Variants in SH3RF3 observed in about 807,000 individuals in gnomAD.
The protein encoded by SH3RF3 is E3 ubiquitin-protein ligase SH3RF3.
In SH3RF3, 29 loss-of-function variants were observed where a neutral mutation model predicts 66.3. The observed-to-expected ratio is 0.44, with a 90% confidence interval of 0.33 to 0.60. The LOEUF is 0.60. Ranked by LOEUF, SH3RF3 falls within the 20% of genes least tolerant of loss-of-function variation. The pLI is 0.04. For missense variants in SH3RF3, 1,194 were observed against 1,190.9 expected (o/e 1.00, Z -0.04); for synonymous variants, 583 against 532.0 (o/e 1.10, Z -1.32).
At chr2:109,283,723 A>T (rs1388216856) in intron 1 of SH3RF3, among the ~76,000 whole-genome samples, 2 of 152,168 alleles carry the variant, frequency 1.3e-5, no homozygotes, top group African/African-American at 4.8e-5. Context: ...GGGGATGCTA[A>T]ATCGCTGGCC....
intron 2 of SH3RF3, among the ~76,000 whole-genome samples, chr2:109,355,717 G>GC (rs1047767772): frequency 1.3e-5 from 2 of 152,164 alleles, no homozygotes; most frequent in African/African-American, 4.8e-5. Context: ...CCCTGGGGAC[G>GC]CCCTCCTCTG....
At chr2:109,305,519 C>G (rs146701054) in intron 1 of SH3RF3, among the ~76,000 whole-genome samples, 255 of 152,280 alleles carry the variant, frequency 1.7e-3, no homozygotes, top group African/African-American at 5.6e-3. Context: ...ACTTCCCACT[C>G]TGGGCGCAGA....
chr2:109,407,035 C>T (rs765181359), intron 4 of SH3RF3, among the ~76,000 whole-genome samples: 5 of 152,204 alleles, frequency 3.3e-5, no homozygotes, highest in Non-Finnish European at 7.3e-5. Context: ...GTGGCTCTGA[C>T]GGCTATGCTT....
chr2:109,455,984 G>A (rs1354987095), intron 8 of SH3RF3, among the ~76,000 whole-genome samples: 1 of 152,228 alleles, frequency 6.6e-6, no homozygotes, highest in Middle Eastern at 3.2e-3. Context: ...CATCATGCAG[G>A]TCTTAGGGGA....
At chr2:109,438,977 ACGGTGAGTCAGCAT>A (rs1677489465) in intron 7 of SH3RF3, among the ~76,000 whole-genome samples, 3 of 152,168 alleles carry the variant, frequency 2.0e-5, no homozygotes, top group Non-Finnish European at 2.9e-5. Flanking sequence ...CCCACTCATC[ACGGTGAGTCAGCAT>A]CCCAGTGCAG....
chr2:109,279,920 T>TG, intron 1 of SH3RF3, among the ~76,000 whole-genome samples: 1 of 149,662 alleles, frequency 6.7e-6, no homozygotes, highest in South Asian at 2.2e-4. Flanking sequence ...GGGAGGTAAT[T>TG]GGGGGGCGGT....
At chr2:109,443,314 A>T (rs1162222695) in intron 7 of SH3RF3, among the ~76,000 whole-genome samples, 1 of 152,244 alleles carries the variant, frequency 6.6e-6, no homozygotes, top group East Asian at 1.9e-4. Context: ...CCTCAGAGCC[A>T]AAACTTTCTG....
At chr2:109,313,941 A>G (rs916832690) in intron 1 of SH3RF3, among the ~76,000 whole-genome samples, 2 of 152,114 alleles carry the variant, frequency 1.3e-5, no homozygotes, top group East Asian at 3.9e-4. Context: ...CCGTGTTTGG[A>G]CTTTGTTTTG....
intron 6 of SH3RF3, among the ~76,000 whole-genome samples, chr2:109,433,697 A>C (rs980031743): frequency 6.6e-6 from 1 of 152,206 alleles, no homozygotes; most frequent in Non-Finnish European, 1.5e-5. Context: ...TCTAGTTCGC[A>C]AGGCAATCTT....
At chr2:109,160,499 G>A (rs1677463890) in intron 1 of SH3RF3, among the ~76,000 whole-genome samples, 1 of 152,338 alleles carries the variant, frequency 6.6e-6, no homozygotes. Context: ...CCTCTGGCAG[G>A]GAGAACGTGT....
intron 2 of SH3RF3, among the ~76,000 whole-genome samples, chr2:109,367,119 A>ATTTT (rs150005222): frequency 0.1 from 11,444 of 113,080 alleles, 645 homozygotes; most frequent in Middle Eastern, 0.15. Flanking sequence ...TGCCCTGGTA[A>ATTTT]TTTTTTTTTT....
intron 8 of SH3RF3, among the ~76,000 whole-genome samples, chr2:109,450,988 G>T (rs1052692631): frequency 4.6e-5 from 7 of 152,192 alleles, no homozygotes; most frequent in Non-Finnish European, 8.8e-5. Flanking sequence ...GACTCGGCGG[G>T]CTCTCTGCCC....
intron 1 of SH3RF3, among the ~76,000 whole-genome samples, chr2:109,298,381 G>GCA (rs1392605318): frequency 6.6e-6 from 1 of 152,104 alleles, no homozygotes; most frequent in African/African-American, 2.4e-5. Flanking sequence ...TGGGGTAGAA[G>GCA]CACCTCAGAG....
intron 1 of SH3RF3, among the ~76,000 whole-genome samples, chr2:109,314,639 T>G (rs17035382): frequency 0.27 from 40,962 of 152,256 alleles, 6,147 homozygotes; most frequent in East Asian, 0.66. Context: ...TAAAGGTTTG[T>G]ATAAACTTGT....
At chr2:109,299,420 A>G (rs537999000) in intron 1 of SH3RF3, among the ~76,000 whole-genome samples, 2 of 149,910 alleles carry the variant, frequency 1.3e-5, no homozygotes, top group African/African-American at 4.8e-5. Context: ...TTGAGTGGCC[A>G]TCCTTAAGAT....
intron 4 of SH3RF3, among the ~76,000 whole-genome samples, chr2:109,417,250 G>T (rs543083554): frequency 6.6e-6 from 1 of 152,158 alleles, no homozygotes; most frequent in Non-Finnish European, 1.5e-5. Flanking sequence ...CCCTTGGGGT[G>T]TCTCTGCCCT....
intron 1 of SH3RF3, among the ~76,000 whole-genome samples, chr2:109,273,102 C>G (rs1024723364): frequency 4.6e-5 from 7 of 152,232 alleles, no homozygotes; most frequent in African/African-American, 1.7e-4. Flanking sequence ...TGAAGAGATA[C>G]TGGTTCTTGA....
chr2:109,176,174 C>T (rs1677908586), intron 1 of SH3RF3, among the ~76,000 whole-genome samples: 1 of 152,116 alleles, frequency 6.6e-6, no homozygotes, highest in African/African-American at 2.4e-5. Context: ...GGGTAATAAC[C>T]AACATACAAC....
intron 3 of SH3RF3, among the ~76,000 whole-genome samples, chr2:109,374,836 C>T (rs1219684723): frequency 6.6e-6 from 1 of 152,212 alleles, no homozygotes; most frequent in Non-Finnish European, 1.5e-5. Flanking sequence ...CTGGCCTCAC[C>T]TGGCCTCAGC....
Sources: gnomAD v4.1 joint callset for allele counts (sites outside exome capture counted in the v4.1 genomes callset) on GRCh38, gnomAD v4.1.1 for gene constraint, MANE v1.5 for transcripts, NCBI Gene and HGNC (gene_info 2026-07-23, HGNC 2026-07-21) for gene names.